The following HMMR variants were observed in gnomAD, a reference collection of about 807,000 sequenced individuals.
The protein encoded by HMMR is intracellular hyaluronic acid-binding protein.
In HMMR, 108 loss-of-function variants were observed where a neutral mutation model predicts 101.0. The ratio of observed to expected loss-of-function variants is 1.07; its 90% CI spans 0.92 to 1.25. HMMR has a LOEUF of 1.25. Among genes scored for constraint, HMMR ranks in the 50% most tolerant of loss-of-function variants. The pLI is 0.00. For missense variants in HMMR, 813 were observed against 788.7 expected, an observed-to-expected ratio of 1.03 and a Z score of -0.37; for synonymous variants, 296 against 276.4, an observed-to-expected ratio of 1.07 and a Z score of -0.70.
chr5:163,490,369 CTAT>C lies in HMMR; in HGVS notation c.1963-16_1963-14del, dbSNP rs1317221204. On this transcript the variant is annotated intron_variant, in intron 16 of 17. Coordinates refer to ENST00000393915, the MANE Select transcript of HMMR (RefSeq NM_001142556.2). ...ATACTCTTTAATAATTGTTTATTAC[CTAT>C]TATTTCTTTTTACCTAGGAAGTATC... The C allele has an allele frequency of 6.8e-7, 1 of 1,469,214 alleles. No homozygotes were observed. The highest frequency in any genetic ancestry group is 1.4e-5 in the African/African-American group (1 of 69,954). The allele number at this position is 1,469,214 out of a possible 1,614,324, so 91.0% of individuals were successfully genotyped here. A position where few individuals can be genotyped will look rare whatever the true frequency, so the allele number is the denominator to read the frequency against.
intron 16 of HMMR, among the ~76,000 whole-genome samples, chr5:163,488,499 T>C (rs560322307): frequency 1.3e-5 from 2 of 152,212 alleles, no homozygotes; most frequent in Non-Finnish European, 2.9e-5. Flanking sequence ...GGGGGCTTTT[T>C]ATTTGCTTGT....
chr5:163,472,466 G>C (rs1186554824), intron 7 of HMMR, among the ~76,000 whole-genome samples: 1 of 151,966 alleles, frequency 6.6e-6, no homozygotes, highest in Non-Finnish European at 1.5e-5. Flanking sequence ...AAATTTCTAG[G>C]AGTAGAATTC....
At chr5:163,461,907 G>T (rs149885819) in intron 1 of HMMR, among the ~76,000 whole-genome samples, 1 of 149,432 alleles carries the variant, frequency 6.7e-6, no homozygotes, top group East Asian at 2.2e-4. Context: ...CAGAGGTTTT[G>T]TATCTTGCAC....
rs369177435 is a variant in HMMR, at chr5:163,491,198, C to T, written c.*34C>T. 6.6e-5 allele frequency: 83 copies of T among 1,248,230 alleles called. 1 individual carries two copies. Among genetic ancestry groups the T allele is most frequent in the South Asian group, 1.1e-4 (8 of 72,760 alleles). 77.3% of individuals were successfully genotyped at this position (1,248,230 alleles called of 1,614,324 possible). On this transcript the variant is annotated 3_prime_UTR_variant, in exon 18 of 18. Coordinates refer to ENST00000393915, the MANE Select transcript of HMMR (RefSeq NM_001142556.2). ...GAAACCTGTTGAAGATTATTTCATT[C>T]GTCTTGTTGTTATTGATGTTGCTGT...
intron 12 of HMMR, among the ~76,000 whole-genome samples, chr5:163,479,020 C>T (rs575796994): frequency 6.6e-6 from 1 of 152,158 alleles, no homozygotes; most frequent in African/African-American, 2.4e-5. Flanking sequence ...TTCTCACCAT[C>T]CACTTCAACT....
At position 163,471,200 on chromosome 5, in the gene HMMR, A is replaced by G; in HGVS notation, c.478A>G (p.Asn160Asp). ...LLKSKFSENG[N>D]QKNLRILSLE... ...TTGTATTTAGTTTTCTGAAAATGGTAACCAGAAGAATTTGAGAATTCTAAG... is the reference window on the plus strand; with the variant it reads ...TTGTATTTAGTTTTCTGAAAATGGTGACCAGAAGAATTTGAGAATTCTAAG... The change falls in exon 6 of 18, where the codon AAC becomes GAC. Residue 160 changes from asparagine to aspartate, a missense_variant. Asn to Asp is a conservative substitution (Grantham distance 23). Transcript: ENST00000393915. 5 of 1,605,268 alleles carry G rather than the reference A, an allele frequency of 3.1e-6. No individual in the cohort carries two copies. Among genetic ancestry groups the G allele is most frequent in the Non-Finnish European group, 4.3e-6 (5 of 1,172,208 alleles).
At chr5:163,464,997 T>C (rs1758652485) in intron 3 of HMMR, 195 bp downstream of exon 3, 2 of 546,404 alleles carry the variant, frequency 3.7e-6, no homozygotes, top group Admixed American at 3.4e-5. Flanking sequence ...AAATGTGCCC[T>C]TAGTTCACAA....
intron 3 of HMMR, among the ~76,000 whole-genome samples, chr5:163,466,032 A>G (rs978343081): frequency 2.0e-5 from 3 of 151,262 alleles, no homozygotes; most frequent in Admixed American, 6.6e-5. Context: ...GGGAGGCTGA[A>G]GCAGGTGGAT....
intron 12 of HMMR, 60 bp from the exon 13 acceptor site, chr5:163,482,582 T>C: frequency 8.1e-7 from 1 of 1,235,150 alleles, no homozygotes; most frequent in African/African-American, 1.5e-5. Flanking sequence ...AACTAATCAG[T>C]TATGATTGTC....
At chr5:163,472,107 T>C (rs1758915314) in intron 7 of HMMR, among the ~76,000 whole-genome samples, 1 of 151,798 alleles carries the variant, frequency 6.6e-6, no homozygotes, top group African/African-American at 2.4e-5. Context: ...GGTCTCATAC[T>C]CCTGGACTCA....
At position 163,490,654 on chromosome 5, in the gene HMMR, A is replaced by G; in HGVS notation, c.2125+102A>G. On this transcript the variant is annotated intron_variant, in intron 17 of 17. Transcript: ENST00000393915. ...TTATGAACTGTGAAAATTTGTTGAC[A>G]CCTTCTGATAAAAGCAGTTCTTACT... The G allele has an allele frequency of 6.0e-6, 5 of 840,198 alleles. No homozygotes were observed. In the South Asian group the frequency reaches 6.2e-5, roughly 10 times the overall value. The allele number at this position is 840,198 out of a possible 1,614,324, so 52.0% of individuals were successfully genotyped here.
Position 163,478,881 on chromosome 5 carries a change from C to T in HMMR, c.1385+81C>T, listed in dbSNP as rs1759160669. 8 of 783,164 alleles carry T rather than the reference C, an allele frequency of 1.0e-5. No homozygotes were observed. In the Admixed American group the frequency reaches 1.5e-4, roughly 14 times the overall value. The allele number at this position is 783,164 out of a possible 1,614,324, so 48.5% of individuals were successfully genotyped here. ...TACCCCAGGAAATATGTGAGCAAAG[C>T]AGTCACACAAAGGATGATTCATACT... On this transcript the variant is annotated intron_variant, in intron 12 of 17. Coordinates refer to ENST00000393915, the MANE Select transcript of HMMR (RefSeq NM_001142556.2).
In HMMR at chr5:163,463,955, G is replaced by T; in HGVS notation, c.145+1G>T. 2 of 1,053,710 alleles carry T rather than the reference G, an allele frequency of 1.9e-6. No individual in the cohort carries two copies. The highest frequency in any genetic ancestry group is 2.7e-6 in the Non-Finnish European group (2 of 738,364). The allele number at this position is 1,053,710 out of a possible 1,614,324, so 65.3% of individuals were successfully genotyped here. A position where few individuals can be genotyped will look rare whatever the true frequency, so the allele number is the denominator to read the frequency against. On this transcript the variant is annotated splice_donor_variant, in intron 2 of 17. Coordinates refer to ENST00000393915, the MANE Select transcript of HMMR (RefSeq NM_001142556.2). LOFTEE classifies it high-confidence loss of function. ...TCACAAAGATTTAAACAACAAAAAG[G>T]TAATATAGATCACCAAAGAACAATG...
At chr5:163,482,878 A>G (rs1581199727) in intron 13 of HMMR, 90 bp downstream of exon 13, 4 of 1,351,072 alleles carry the variant, frequency 3.0e-6, no homozygotes, top group South Asian at 2.7e-5. Context: ...GCTTTTGGCC[A>G]TCTTATACTG....
chr5:163,487,330 G>T (rs370688734), intron 16 of HMMR, among the ~76,000 whole-genome samples: 10 of 150,748 alleles, frequency 6.6e-5, no homozygotes, highest in East Asian at 3.9e-4. Flanking sequence ...TTGCTGAGGG[G>T]TTTTTTTCAG....
At chr5:163,467,541 T>G (rs1482936759) in intron 3 of HMMR, among the ~76,000 whole-genome samples, 160 bp from the exon 4 acceptor site, 4 of 152,232 alleles carry the variant, frequency 2.6e-5, no homozygotes, top group South Asian at 4.1e-4. Flanking sequence ...AATATTTTAT[T>G]TATCAGATGA....
chr5:163,462,579 C>G (rs1758573566), intron 1 of HMMR, among the ~76,000 whole-genome samples: 1 of 151,934 alleles, frequency 6.6e-6, no homozygotes, highest in Non-Finnish European at 1.5e-5. Flanking sequence ...GTAATCCTAG[C>G]ACTTTGGGAG....
At position 163,483,320 on chromosome 5, in the gene HMMR, T is replaced by C; in HGVS notation, c.1738T>C (p.Trp580Arg). The C allele has an allele frequency of 6.2e-7, 1 of 1,610,230 alleles. No homozygotes were observed. Among genetic ancestry groups the C allele is most frequent in the Non-Finnish European group, 8.5e-7 (1 of 1,176,760 alleles). The stretch of plus-strand genomic sequence containing the variant: ...AGAATTAACTGAAGAAATTAACAAG[T>C]GGCGTCTCCTCTATGAAGAACTATA... ...TAELTEEINKWRLLYEELYNK... is the reference protein window; with the variant it reads ...TAELTEEINKRRLLYEELYNK... The change falls in exon 15 of 18, where the codon TGG becomes CGG. Residue 580 changes from tryptophan to arginine, a missense_variant. Coordinates refer to ENST00000393915, the MANE Select transcript of HMMR (RefSeq NM_001142556.2).
rs1419687766 is a variant in HMMR, at chr5:163,475,671, G to C, written c.1267G>C (p.Gly423Arg). 6.4e-7 allele frequency: 1 copy of C among 1,561,230 alleles called. No individual in the cohort carries two copies. Among genetic ancestry groups the C allele is most frequent in the East Asian group, 2.2e-5 (1 of 44,464 alleles). ...ELKLLEEKLK[G>R]KEAELEKSSA... ...AAAACTCCTAGAAGAAAAGCTGAAA[G>C]GGTTTGTATTAATAGGATCTCATGT... The change falls in exon 11 of 18, where the codon GGG becomes CGG. Residue 423 changes from glycine (G) to arginine (R), a missense_variant and splice_region_variant. By Grantham distance (125) the Gly-to-Arg change is moderately radical. Coordinates refer to ENST00000393915, the MANE Select transcript of HMMR (RefSeq NM_001142556.2).
Sources: allele counts gnomAD v4.1 joint callset (sites outside exome capture counted in the v4.1 genomes callset), GRCh38; gene constraint gnomAD v4.1.1; transcripts MANE v1.5; gene names NCBI Gene and HGNC (gene_info 2026-07-23, HGNC 2026-07-21).